The following ADAM33 variants were observed in gnomAD, a reference collection of about 807,000 sequenced individuals.
ADAM33 encodes disintegrin and metalloproteinase domain-containing protein 33.
Under a neutral mutation model 106.2 loss-of-function variants are expected in ADAM33, and 103 were observed. The observed-to-expected ratio is 0.97, with a 90% CI of 0.83 to 1.14. The LOEUF (loss-of-function observed/expected upper bound fraction) is 1.14. Ranked by LOEUF, ADAM33 falls within the 50% of genes most tolerant of loss-of-function variation. ADAM33 has a pLI of 0.00. For missense variants in ADAM33, 1,120 were observed against 1,096.6 expected (o/e 1.02, Z -0.30); for synonymous variants, 483 against 453.0 (o/e 1.07, Z -0.84).
intron 19 of ADAM33, 122 bp from the exon 20 acceptor site, chr20:3,669,759 T>C (rs1322776952): frequency 1.1e-6 from 1 of 905,942 alleles, no homozygotes; most frequent in South Asian, 1.4e-5. Context: ...GGGGCACCCA[T>C]CTGCTCCAAG....
chr20:3,669,850 T>A lies in ADAM33; in HGVS notation c.2241-213A>T, dbSNP rs530333314. 576 of 662,312 alleles carry A rather than the reference T, an allele frequency of 8.7e-4. 3 individuals are homozygous for A. Among genetic ancestry groups the A allele is most frequent in the Middle Eastern group, 1.5e-3 (5 of 3,226 alleles). The allele number at this position is 662,312 out of a possible 1,614,324, so 41.0% of individuals were successfully genotyped here. Reference sequence around the variant, plus strand: ...TCCAAGTGAGCCTCATGCCCTCGGCTGGCACCTCCTCTCTCTAGTCCTAAC... The same window carrying A: ...TCCAAGTGAGCCTCATGCCCTCGGCAGGCACCTCCTCTCTCTAGTCCTAAC... On this transcript the variant is annotated intron_variant, in intron 19 of 21. Coordinates refer to ENST00000356518, the MANE Select transcript of ADAM33 (RefSeq NM_025220.5).
rs1293341708 is a variant in ADAM33 at position 3,681,813 on chromosome 20, T to C, written c.97+95A>G. ...GTATGGTGCCGGGGCCGTGAGACCC[T>C]CCGCGCGCTGACCCGAGCTCTGAGC... On this transcript the variant is annotated intron_variant, in intron 1 of 21. Coordinates refer to ENST00000356518, the MANE Select transcript of ADAM33 (RefSeq NM_025220.5). The C allele has an allele frequency of 2.0e-6, 3 of 1,467,976 alleles. No homozygotes were observed. In the Admixed American group the frequency reaches 7.3e-5, roughly 36 times the overall value. 90.9% of individuals were successfully genotyped at this position (1,467,976 alleles called of 1,614,324 possible). A position where few individuals can be genotyped will look rare whatever the true frequency, so the allele number is the denominator to read the frequency against.
chr20:3,672,687 G>C, intron 12 of ADAM33, 34 bp downstream of exon 12: 1 of 1,598,784 alleles, frequency 6.3e-7, no homozygotes, highest in South Asian at 1.1e-5. Context: ...CCTGAGCGGA[G>C]AGGGCAAGTG....
At chr20:3,677,613 C>G (rs1237725084) in intron 2 of ADAM33, among the ~76,000 whole-genome samples, 2 of 152,206 alleles carry the variant, frequency 1.3e-5, no homozygotes, top group African/African-American at 4.8e-5. Flanking sequence ...CTATAGAATT[C>G]AAATTTGACT....
intron 20 of ADAM33, 72 bp downstream of exon 20, chr20:3,669,474 T>A: frequency 6.5e-7 from 1 of 1,543,328 alleles, no homozygotes; most frequent in South Asian, 1.2e-5. Context: ...GCTGCCCATC[T>A]GGAAGGAGGC....
chr20:3,671,830 A>G, intron 15 of ADAM33, 47 bp downstream of exon 15: 2 of 1,551,246 alleles, frequency 1.3e-6, no homozygotes, highest in Non-Finnish European at 1.7e-6. Context: ...CCCTTCCCCA[A>G]ACCCACTCCA....
rs368581221 is a variant in ADAM33, at chr20:3,674,602, G to A, written c.502C>T (p.Arg168Trp). The A allele has an allele frequency of 1.9e-5, 30 of 1,612,838 alleles. No homozygotes were observed. Among genetic ancestry groups the A allele is most frequent in the Middle Eastern group, 1.6e-4 (1 of 6,080 alleles). The change falls in exon 6 of 22, where the codon CGG (arginine) becomes TGG (tryptophan). Residue 168 changes from arginine to tryptophan, a missense_variant. By Grantham distance (101) the Arg-to-Trp change is moderately radical. Transcript: ENST00000356518. ...SKDFSTHEIF[R>W]MEQLLTWKGT... ...TTCCAGGTGAGCAGCTGCTCCATCC[G>A]AAAGATCTCGTGGGTTGAGAAGTCC...
intron 3 of ADAM33, among the ~76,000 whole-genome samples, chr20:3,676,674 G>A (rs2087990331): frequency 6.6e-6 from 1 of 152,108 alleles, no homozygotes; most frequent in African/African-American, 2.4e-5. Context: ...CCTGACCTCA[G>A]GTGAGCCGCC....
At chr20:3,681,886 C>A (rs1205116840) in intron 1 of ADAM33, 22 bp downstream of exon 1, 2 of 1,595,028 alleles carry the variant, frequency 1.3e-6, no homozygotes, top group East Asian at 4.7e-5. Context: ...CCCCTCAGGG[C>A]GCACCCCGCC....
At chr20:3,670,102 G>A (rs2087431163) in intron 19 of ADAM33, 1 of 224,388 alleles carries the variant, frequency 4.5e-6, no homozygotes, top group Admixed American at 5.3e-5. Flanking sequence ...CCCCTGCCCT[G>A]AGACTCCCGC....
Position 3,671,140 on chromosome 20 carries a change from G to A in ADAM33, c.2106C>T (p.Phe702=). ...GGACGCTGAGGAGCATGGCCAGCAG[G>A]AAGGTGTCATGGTCTGCGGGGATTG... ...GPVQAENHDT[F]LLAMLLSVLL... is the part of the protein sequence containing the mutation. The change falls in exon 19 of 22, where the codon TTC becomes TTT. Residue 702 remains phenylalanine, a synonymous_variant. Coordinates refer to ENST00000356518, the MANE Select transcript of ADAM33 (RefSeq NM_025220.5). 1.2e-6 allele frequency: 2 copies of A among 1,612,442 alleles called. No individual in the cohort carries two copies. The highest frequency in any genetic ancestry group is 1.7e-6 in the Non-Finnish European group (2 of 1,179,416).
In ADAM33 at chr20:3,675,073, T is replaced by G. The variant is rs772630539; in HGVS notation, c.287A>C (p.His96Pro). Residue 96 changes from histidine to proline, a missense_variant, in exon 4 of 22, where the codon CAC becomes CCC. Coordinates refer to ENST00000356518, the MANE Select transcript of ADAM33 (RefSeq NM_025220.5). This position sits in a 1 kb window ranked among gnomAD's most constrained non-coding sequence, Gnocchi z 4.1. The stretch of plus-strand genomic sequence containing the variant: ...CACTGGCTGCCCATCTGGGCCGTAG[T>G]GGGTTTCTATGTATCCTGGGGCCAG... ...RLLAPGYIET[H>P]YGPDGQPVVL... 1 of 1,613,300 alleles carries G rather than the reference T, an allele frequency of 6.2e-7. No individual in the cohort carries two copies. Among genetic ancestry groups the G allele is most frequent in the Non-Finnish European group, 8.5e-7 (1 of 1,179,852 alleles).
intron 1 of ADAM33, among the ~76,000 whole-genome samples, chr20:3,680,384 C>G (rs1203163336): frequency 1.3e-5 from 2 of 152,182 alleles, no homozygotes; most frequent in African/African-American, 4.8e-5. Context: ...AGCCTCCCCC[C>G]TCCACGCAGC....
chr20:3,670,437 ATG>A (rs768654318), intron 19 of ADAM33: 237 of 160,902 alleles, frequency 1.5e-3, no homozygotes, highest in Non-Finnish European at 1.8e-3. Flanking sequence ...GCTTAGTATT[ATG>A]TGACTCCCCA....
In ADAM33 at chr20:3,677,064, C is replaced by T. The variant is rs2088033605; in HGVS notation, c.254+3G>A. On this transcript the variant is annotated splice_donor_region_variant and intron_variant, in intron 3 of 21. Coordinates refer to ENST00000356518, the MANE Select transcript of ADAM33 (RefSeq NM_025220.5). ...CCCAGCCCTACCCCAGCCTGGCACT[C>T]ACTGGTTCTTCTCCAGCTCAAGCAG... 1 of 1,612,638 alleles carries T rather than the reference C, an allele frequency of 6.2e-7. No individual in the cohort carries two copies. Among genetic ancestry groups the T allele is most frequent in the Non-Finnish European group, 8.5e-7 (1 of 1,179,760 alleles).
chr20:3,674,057 C>A lies in ADAM33; in HGVS notation c.738+7G>T. 4 of 1,614,124 alleles carry A rather than the reference C, an allele frequency of 2.5e-6. No homozygotes were observed. Among genetic ancestry groups the A allele is most frequent in the Non-Finnish European group, 3.4e-6 (4 of 1,180,020 alleles). ...CCCATCACCGCTCTCTCCCCGCCGC[C>A]CCCAACCTGGTCCACGTAGTTGGCG... On this transcript the variant is annotated splice_region_variant and intron_variant, in intron 8 of 21. Coordinates refer to ENST00000356518, the MANE Select transcript of ADAM33 (RefSeq NM_025220.5).
Position 3,675,485 on chromosome 20 carries a change from C to T in ADAM33, c.255-380G>A, listed in dbSNP as rs970512564. On this transcript the variant is annotated intron_variant, in intron 3 of 21. Coordinates refer to ENST00000356518, the MANE Select transcript of ADAM33 (RefSeq NM_025220.5). The surrounding 1 kb of genome is among the most constrained non-coding windows in gnomAD (Gnocchi z 4.1). Reference sequence around the variant, plus strand: ...AATGGGACTTGGAGTTGGGGAAATGCGGTGACCTCCCCCAGTTCCCCTGCC... The same window carrying T: ...AATGGGACTTGGAGTTGGGGAAATGTGGTGACCTCCCCCAGTTCCCCTGCC... Among the ~76,000 whole-genome samples the T allele has an allele frequency of 3.3e-5, 5 of 152,048 alleles. No individual in the cohort carries two copies. Among genetic ancestry groups the T allele is most frequent in the Non-Finnish European group, 5.9e-5 (4 of 67,984 alleles).
At position 3,669,726 on chromosome 20, in the gene ADAM33, G is replaced by C. The variant is rs758230098; in HGVS notation, c.2241-89C>G. 3.3e-6 allele frequency: 4 copies of C among 1,226,976 alleles called. No homozygotes were observed. The South Asian group carries it at 5.1e-5, about 16-fold the overall frequency. The allele number at this position is 1,226,976 out of a possible 1,614,324, so 76.0% of individuals were successfully genotyped here. On this transcript the variant is annotated intron_variant, in intron 19 of 21. Transcript: ENST00000356518. ...CGCAGCATGGTGTCCAGCCCAGGGAGTTCTGCGTTTACTGAGTTTCTTGGG... is the reference window on the plus strand; with the variant it reads ...CGCAGCATGGTGTCCAGCCCAGGGACTTCTGCGTTTACTGAGTTTCTTGGG...
Position 3,669,530 on chromosome 20 carries a change from CT to C in ADAM33, c.2332+15del, listed in dbSNP as rs1186527449. 2.5e-6 allele frequency: 4 copies of C among 1,569,402 alleles called. No individual in the cohort carries two copies. The highest frequency in any genetic ancestry group is 1.2e-5 in the South Asian group (1 of 85,164). On this transcript the variant is annotated intron_variant, in intron 20 of 21. Transcript: ENST00000356518. ...TTCTCCCTTCCCTCTCCACCTCCCCCTGGTGCCTCACTCACCCAGGGGCCAG... is the reference window on the plus strand; with the variant it reads ...TTCTCCCTTCCCTCTCCACCTCCCCCGGTGCCTCACTCACCCAGGGGCCAG...
Sources: gnomAD v4.1 joint callset for allele counts (sites outside exome capture counted in the v4.1 genomes callset) on GRCh38, gnomAD v4.1.1 for gene constraint, Gnocchi (gnomAD v3.1) non-coding constraint, MANE v1.5 for transcripts, NCBI Gene and HGNC (gene_info 2026-07-23, HGNC 2026-07-21) for gene names.